Variants in SHISA9 observed in about 807,000 individuals in gnomAD.
The protein encoded by SHISA9 is protein shisa-9.
Under a neutral mutation model 38.0 loss-of-function variants are expected in SHISA9, and 13 were observed. The ratio of observed to expected loss-of-function variants is 0.34; its 90% CI spans 0.22 to 0.54. The LOEUF (loss-of-function observed/expected upper bound fraction) is 0.54, where lower values mean the gene tolerates loss of function less well. SHISA9 is among the 20% of genes least tolerant of loss of function. The pLI is 0.91. For missense variants in SHISA9, 538 were observed against 575.8 expected (o/e 0.93, Z 0.67); for synonymous variants, 275 against 242.0 (o/e 1.14, Z -1.27).
At chr16:13,228,823 A>G (rs918465361) in intron 4 of SHISA9, among the ~76,000 whole-genome samples, 2 of 151,932 alleles carry the variant, frequency 1.3e-5, no homozygotes, top group African/African-American at 4.8e-5. Context: ...AGTACTTATT[A>G]TTTTTCCTGA....
chr16:13,371,110 T>G, the SHISA9 span, among the ~76,000 whole-genome samples: 1 of 152,200 alleles, frequency 6.6e-6, no homozygotes, highest in Non-Finnish European at 1.5e-5. Flanking sequence ...TAGATTTAAT[T>G]AATCCCCAAA....
chr16:13,480,109 C>T, the SHISA9 span, among the ~76,000 whole-genome samples: 29 of 152,220 alleles, frequency 1.9e-4, no homozygotes, highest in Non-Finnish European at 3.5e-4. Flanking sequence ...CTTCTCACTC[C>T]TGCACCCATG....
At chr16:13,543,787 C>G in the SHISA9 span, among the ~76,000 whole-genome samples, 3 of 152,172 alleles carry the variant, frequency 2.0e-5, no homozygotes, top group Admixed American at 1.3e-4. Context: ...TGAGTAGCAT[C>G]GACCCTTCCT....
chr16:13,175,434 A>G (rs1211454933), intron 2 of SHISA9, among the ~76,000 whole-genome samples: 1 of 152,138 alleles, frequency 6.6e-6, no homozygotes, highest in Non-Finnish European at 1.5e-5. Context: ...TGTTCCAGAG[A>G]TGCTATAAGG....
the SHISA9 span, among the ~76,000 whole-genome samples, chr16:13,305,689 G>C: frequency 6.6e-6 from 1 of 152,186 alleles, no homozygotes; most frequent in Non-Finnish European, 1.5e-5. Context: ...TGAATCTTGA[G>C]ATGAAGACCG....
the SHISA9 span, among the ~76,000 whole-genome samples, chr16:13,390,197 G>A: frequency 6.6e-5 from 10 of 151,746 alleles, no homozygotes; most frequent in East Asian, 1.5e-3. Flanking sequence ...TAAGATACCA[G>A]GTGCACCAGA....
intron 2 of SHISA9, among the ~76,000 whole-genome samples, chr16:13,080,865 G>A (rs190813553): frequency 4.1e-4 from 62 of 152,320 alleles, no homozygotes; most frequent in Admixed American, 1.7e-3. Context: ...GTCGAAGGAC[G>A]AAGTGCCTGC....
At chr16:13,250,559 T>A in the SHISA9 span, among the ~76,000 whole-genome samples, 1 of 152,176 alleles carries the variant, frequency 6.6e-6, no homozygotes, top group Non-Finnish European at 1.5e-5. Flanking sequence ...TTTTTAGGAC[T>A]CCTCTGACGC....
At chr16:13,168,232 G>A (rs2050654943) in intron 2 of SHISA9, among the ~76,000 whole-genome samples, 1 of 152,198 alleles carries the variant, frequency 6.6e-6, no homozygotes, top group Non-Finnish European at 1.5e-5. Context: ...TCACCCCAGG[G>A]CCAGTGATTA....
At chr16:13,209,643 T>G (rs577474774) in intron 3 of SHISA9, among the ~76,000 whole-genome samples, 1 of 152,254 alleles carries the variant, frequency 6.6e-6, no homozygotes, top group South Asian at 2.1e-4. Context: ...CCCACCAATG[T>G]TGAGGTTGAG....
At chr16:13,204,416 T>G (rs2051043617) in intron 3 of SHISA9, among the ~76,000 whole-genome samples, 1 of 152,154 alleles carries the variant, frequency 6.6e-6, no homozygotes, top group African/African-American at 2.4e-5. Context: ...AGAACCTGGA[T>G]GCTCATTTGG....
At chr16:13,398,916 G>A in the SHISA9 span, among the ~76,000 whole-genome samples, 1 of 152,058 alleles carries the variant, frequency 6.6e-6, no homozygotes, top group East Asian at 1.9e-4. Flanking sequence ...GAGTTCATTG[G>A]GTCATTCAGC....
intron 2 of SHISA9, among the ~76,000 whole-genome samples, chr16:12,989,907 AGCTATTCTTCCTGAT>A (rs1431070413): frequency 6.6e-6 from 1 of 152,078 alleles, no homozygotes; most frequent in Non-Finnish European, 1.5e-5. Flanking sequence ...AGCACGCATT[AGCTATTCTTCCTGAT>A]GCTCTCCCTT....
chr16:13,019,681 G>T (rs796249642), intron 2 of SHISA9, among the ~76,000 whole-genome samples: 7 of 151,866 alleles, frequency 4.6e-5, no homozygotes, highest in African/African-American at 1.7e-4. Context: ...TGTCACTGGG[G>T]TTTGTCGTAT....
chr16:13,398,746 A>T, the SHISA9 span, among the ~76,000 whole-genome samples: 1 of 152,040 alleles, frequency 6.6e-6, no homozygotes, highest in African/African-American at 2.4e-5. Context: ...TCCTGACCTC[A>T]GGTGATCCAC....
intron 2 of SHISA9, among the ~76,000 whole-genome samples, chr16:13,154,784 AT>A (rs1357483439): frequency 6.6e-6 from 1 of 152,162 alleles, no homozygotes; most frequent in African/African-American, 2.4e-5. Flanking sequence ...GAGAGTTAGG[AT>A]TTCAGGTTTA....
the SHISA9 span, among the ~76,000 whole-genome samples, chr16:13,452,773 T>C: frequency 1.3e-5 from 2 of 151,938 alleles, no homozygotes; most frequent in Non-Finnish European, 2.9e-5. Context: ...CACTGAGCTA[T>C]TACTAGGTCT....
intron 2 of SHISA9, among the ~76,000 whole-genome samples, chr16:12,945,803 A>G (rs1436962506): frequency 6.6e-6 from 1 of 152,252 alleles, no homozygotes; most frequent in Admixed American, 6.5e-5. Flanking sequence ...TCCTTTTAAG[A>G]ATGAGAATAT....
chr16:13,359,149 A>G, the SHISA9 span, among the ~76,000 whole-genome samples: 9 of 151,910 alleles, frequency 5.9e-5, no homozygotes, highest in Non-Finnish European at 8.8e-5. Flanking sequence ...TAGTCTGCAA[A>G]ACAATAAATC....
Sources: allele counts gnomAD v4.1 joint callset (sites outside exome capture counted in the v4.1 genomes callset), GRCh38; gene constraint gnomAD v4.1.1; transcripts MANE v1.5; gene names NCBI Gene and HGNC (gene_info 2026-07-23, HGNC 2026-07-21).